The following DYNC1H1 variants were observed in gnomAD, a reference collection of about 807,000 sequenced individuals.
DYNC1H1 encodes the protein dynein cytoplasmic 1 heavy chain 1.
In DYNC1H1, 51 loss-of-function variants were observed where a neutral mutation model predicts 527.1. The observed-to-expected ratio is 0.10, with a 90% CI of 0.08 to 0.12. The LOEUF is 0.12. Among genes scored for constraint, DYNC1H1 ranks in the 10% least tolerant of loss-of-function variants. The pLI is 1.00. For synonymous variants in DYNC1H1, 2,189 were observed against 2,278.8 expected (o/e 0.96, Z 1.12); for missense variants, 2,771 against 5,971.8 (o/e 0.46, Z 17.66).
At position 102,052,103 on chromosome 14, in the gene DYNC1H1, T is replaced by C. The variant is rs898810590; in HGVS notation, c.*1540T>C. ...TCAGCCTCTCAAAGTGCCGGGGTTC[T>C]AGGTGTGAGTCACCGAGTTGAGCCC... On this transcript the variant is annotated 3_prime_UTR_variant, in exon 78 of 78. Coordinates refer to ENST00000360184, the MANE Select transcript of DYNC1H1 (RefSeq NM_001376.5). 2.6e-5 allele frequency: 4 copies of C among 152,088 alleles called. No homozygotes were observed. The highest frequency in any genetic ancestry group is 9.7e-5 in the African/African-American group (4 of 41,396). 9.4% of individuals were successfully genotyped at this position (152,088 alleles called of 1,614,324 possible). A position where few individuals can be genotyped will look rare whatever the true frequency, so the allele number is the denominator to read the frequency against.
At position 102,049,516 on chromosome 14, in the gene DYNC1H1, C is replaced by T. The variant is rs112444677; in HGVS notation, c.13449C>T (p.Ser4483=). ...MTVIQWVSDF[S]ERIKQLQNIS... is the part of the protein sequence containing the mutation. The stretch of plus-strand genomic sequence containing the variant: ...TCATCCAGTGGGTGTCCGACTTCAG[C>T]GAGAGGATCAAACAGCTGCAGAACA... The change falls in exon 75 of 78, where the codon AGC becomes AGT. Residue 4483 remains serine (S), a synonymous_variant. Coordinates refer to ENST00000360184, the MANE Select transcript of DYNC1H1 (RefSeq NM_001376.5). This position sits in a 1 kb window ranked among gnomAD's most constrained non-coding sequence, Gnocchi z 5.5. 1.1e-5 allele frequency: 18 copies of T among 1,614,016 alleles called. 1 individual carries two copies. The highest frequency in any genetic ancestry group is 6.7e-5 in the African/African-American group (5 of 74,938).
At chr14:102,032,848 G>T (rs929600928) in intron 52 of DYNC1H1, 2 of 599,990 alleles carry the variant, frequency 3.3e-6, no homozygotes, top group Non-Finnish European at 5.8e-6. Context: ...GAAAAACCCT[G>T]TCTCATTAAA....
At chr14:101,974,964 A>G (rs1053723390) in intron 1 of DYNC1H1, among the ~76,000 whole-genome samples, 2 of 152,196 alleles carry the variant, frequency 1.3e-5, no homozygotes, top group Non-Finnish European at 2.9e-5. Context: ...AGACTCAGAT[A>G]AGTGGTGTGG....
chr14:102,055,969 T>C lies in DYNC1H1; in HGVS notation c.*5406T>C, dbSNP rs536036807. 44 of 152,298 alleles carry C rather than the reference T, an allele frequency of 2.9e-4. No homozygotes were observed. Among genetic ancestry groups the C allele is most frequent in the African/African-American group, 8.9e-4 (37 of 41,556 alleles). The allele number at this position is 152,298 out of a possible 1,614,324, so 9.4% of individuals were successfully genotyped here. On this transcript the variant is annotated 3_prime_UTR_variant, in exon 78 of 78. Transcript: ENST00000360184. Reference sequence around the variant, plus strand: ...GGTCTCAGTTAATTTAGAAAAGATATTTGTCAAGGTTGAGGACGCGCACCC... The same window carrying C: ...GGTCTCAGTTAATTTAGAAAAGATACTTGTCAAGGTTGAGGACGCGCACCC...
chr14:102,036,286 CA>C lies in DYNC1H1; in HGVS notation c.10755-201del. The C allele has an allele frequency of 1.7e-6, 1 of 599,500 alleles. No individual in the cohort carries two copies. Among genetic ancestry groups the C allele is most frequent in the East Asian group, 3.0e-5 (1 of 33,678 alleles). The allele number at this position is 599,500 out of a possible 1,614,324, so 37.1% of individuals were successfully genotyped here. A position where few individuals can be genotyped will look rare whatever the true frequency, so the allele number is the denominator to read the frequency against. ...TATGACTCAAGCTACCTCCTCATGC[CA>C]ATAGTTGTTCAAAAGGATGAGGTGA... On this transcript the variant is annotated intron_variant, in intron 56 of 77. Transcript: ENST00000360184. This position sits in a 1 kb window ranked among gnomAD's most constrained non-coding sequence, Gnocchi z 5.6.
Position 102,005,311 on chromosome 14 carries a change from T to A in DYNC1H1, c.5433+75T>A. The A allele has an allele frequency of 1.3e-6, 2 of 1,592,476 alleles. No individual in the cohort carries two copies. Among genetic ancestry groups the A allele is most frequent in the Non-Finnish European group, 1.7e-6 (2 of 1,163,446 alleles). ...CAACCACACAGTTAAATGGAAATCA[T>A]GCTTGAAAAAGGTTTCAGGTAGTAT... is the stretch of plus-strand genomic sequence containing the variant. On this transcript the variant is annotated intron_variant, in intron 26 of 77. Transcript: ENST00000360184. This position sits in a 1 kb window ranked among gnomAD's most constrained non-coding sequence, Gnocchi z 4.0.
At chr14:101,994,391 A>G in intron 12 of DYNC1H1, 67 bp downstream of exon 12, 1 of 1,608,966 alleles carries the variant, frequency 6.2e-7, no homozygotes, top group East Asian at 2.2e-5. Flanking sequence ...AGTACAAGAT[A>G]TAAAGAACAT....
In DYNC1H1 at chr14:101,991,956, T is replaced by C. The variant is rs2720206; in HGVS notation, c.3015+283T>C. Among the ~76,000 whole-genome samples, 5,155 of 134,900 alleles carry C rather than the reference T, an allele frequency of 0.038. 240 individuals are homozygous for C. Among genetic ancestry groups the C allele is most frequent in the African/African-American group, 0.11 (4,204 of 37,280 alleles). The allele number at this position is 134,900 out of a possible 152,430, so 88.5% of individuals were successfully genotyped here. On this transcript the variant is annotated intron_variant, in intron 11 of 77. Coordinates refer to ENST00000360184, the MANE Select transcript of DYNC1H1 (RefSeq NM_001376.5). ...TCCCTCTCCTCCCCACCCCCCACTT[T>C]TTATTAGGGGAATTTTAAAACATAC...
In DYNC1H1 at chr14:102,042,367, TC is replaced by T. The variant is rs1567022621; in HGVS notation, c.12276-16del. ...GGCAGCCTGGCATGCTGTGTGACTCTCACTTTGTGTGTGCAGGTGGGTGATG... is the reference window on the plus strand; with the variant it reads ...GGCAGCCTGGCATGCTGTGTGACTCTACTTTGTGTGTGCAGGTGGGTGATG... On this transcript the variant is annotated splice_polypyrimidine_tract_variant and intron_variant, in intron 67 of 77. Transcript: ENST00000360184. This position sits in a 1 kb window ranked among gnomAD's most constrained non-coding sequence, Gnocchi z 5.7. The T allele has an allele frequency of 2.5e-6, 4 of 1,614,202 alleles. No homozygotes were observed. The highest frequency in any genetic ancestry group is 3.4e-6 in the Non-Finnish European group (4 of 1,180,040).
intron 8 of DYNC1H1, 40 bp from the exon 9 acceptor site, chr14:101,987,413 G>A (rs762714249): frequency 6.3e-7 from 1 of 1,576,804 alleles, no homozygotes; most frequent in South Asian, 1.1e-5. Context: ...GGAACAGAGT[G>A]TGAGTGGGTG....
At chr14:102,028,192 C>A (rs2048471685) in intron 48 of DYNC1H1, 51 bp downstream of exon 48, 1 of 1,599,996 alleles carries the variant, frequency 6.3e-7, no homozygotes, top group African/African-American at 1.3e-5. Context: ...AACCATCATG[C>A]TAATATAAAA....
intron 72 of DYNC1H1, chr14:102,045,224 A>C: frequency 5.4e-6 from 1 of 185,908 alleles, no homozygotes; most frequent in South Asian, 1.1e-4. Context: ...AATTATTTGA[A>C]CCCGGGAGAT....
rs1317184892 is a variant in DYNC1H1 at position 102,010,048 on chromosome 14, T to C, written c.6183T>C (p.Thr2061=). 6.2e-7 allele frequency: 1 copy of C among 1,613,970 alleles called. No homozygotes were observed. Among genetic ancestry groups the C allele is most frequent in the Non-Finnish European group, 8.5e-7 (1 of 1,180,042 alleles). ...TGCTGTACTCACAGGGTTTCCGCAC[T>C]GCTGAAGTGCTTGCCAACAAAATCG... ...QVMLYSQGFR[T]AEVLANKIVP... is the part of the protein sequence containing the mutation. Residue 2061 remains threonine, a synonymous_variant, in exon 30 of 78, where the codon ACT becomes ACC. Coordinates refer to ENST00000360184, the MANE Select transcript of DYNC1H1 (RefSeq NM_001376.5). The surrounding 1 kb of genome is among the most constrained non-coding windows in gnomAD (Gnocchi z 6.0).
Position 102,041,691 on chromosome 14 carries a change from T to G in DYNC1H1, c.12059T>G (p.Ile4020Ser). 6.2e-7 allele frequency: 1 copy of G among 1,614,164 alleles called. No homozygotes were observed. The highest frequency in any genetic ancestry group is 8.5e-7 in the Non-Finnish European group (1 of 1,180,024). ...STNLGESFMS[I>S]MEQPLDLTHI... ...AACCTTGGGGAGTCTTTCATGTCCA[T>G]CATGGAGCAGCCGCTCGACCTGACC... The change falls in exon 65 of 78, where the codon ATC (isoleucine) becomes AGC (serine). Residue 4020 changes from isoleucine (I) to serine (S), a missense_variant. Ile to Ser is a moderately radical substitution (Grantham distance 142). This residue lies in a region of DYNC1H1 where 195 missense variants were observed against 428.6 expected (regional missense o/e 0.45). Coordinates refer to ENST00000360184, the MANE Select transcript of DYNC1H1 (RefSeq NM_001376.5). This position sits in a 1 kb window ranked among gnomAD's most constrained non-coding sequence, Gnocchi z 4.5.
At position 102,049,462 on chromosome 14, in the gene DYNC1H1, C is replaced by T; in HGVS notation, c.13395C>T (p.Ser4465=). ...CAGGGATCTTGCCTCGGAGCTGGTC[C>T]CACTACACGGTGCCTGCCGGCATGA... The part of the protein sequence containing the change: ...LVKGILPRSW[S]HYTVPAGMTV... Residue 4465 remains serine, a synonymous_variant, in exon 75 of 78, where the codon TCC becomes TCT. Coordinates refer to ENST00000360184, the MANE Select transcript of DYNC1H1 (RefSeq NM_001376.5). This position sits in a 1 kb window ranked among gnomAD's most constrained non-coding sequence, Gnocchi z 5.5. The T allele has an allele frequency of 1.2e-6, 2 of 1,614,182 alleles. No individual in the cohort carries two copies. Among genetic ancestry groups the T allele is most frequent in the East Asian group, 2.2e-5 (1 of 44,882 alleles).
rs1177437823 is a variant in DYNC1H1, at chr14:102,033,797, G to A, written c.10414-179G>A. The A allele has an allele frequency of 6.8e-6, 5 of 733,660 alleles. No homozygotes were observed. Among genetic ancestry groups the A allele is most frequent in the Non-Finnish European group, 1.1e-5 (5 of 437,096 alleles). The allele number at this position is 733,660 out of a possible 1,614,324, so 45.4% of individuals were successfully genotyped here. A position where few individuals can be genotyped will look rare whatever the true frequency, so the allele number is the denominator to read the frequency against. The stretch of plus-strand genomic sequence containing the variant: ...TTCTGCCCCGCTGAGATTCTGAGTC[G>A]TGTGTGGTCATTAGTTATATATGAT... On this transcript the variant is annotated intron_variant, in intron 54 of 77. Coordinates refer to ENST00000360184, the MANE Select transcript of DYNC1H1 (RefSeq NM_001376.5). The surrounding 1 kb of genome is among the most constrained non-coding windows in gnomAD (Gnocchi z 5.6).
rs753109533 is a variant in DYNC1H1 at position 102,017,117 on chromosome 14, T to C, written c.7878T>C (p.Thr2626=). 4 of 1,614,272 alleles carry C rather than the reference T, an allele frequency of 2.5e-6. No homozygotes were observed. The East Asian group carries it at 8.9e-5, about 36-fold the overall frequency. ...EVVGLNFSSA[T]TPELLLKTFD... ...TGGGTCTCAACTTCTCCAGTGCTAC[T>C]ACTCCAGAGCTGCTTCTGAAGACTT... Residue 2626 remains threonine, a synonymous_variant, in exon 39 of 78, where the codon ACT becomes ACC. Coordinates refer to ENST00000360184, the MANE Select transcript of DYNC1H1 (RefSeq NM_001376.5). This position sits in a 1 kb window ranked among gnomAD's most constrained non-coding sequence, Gnocchi z 4.6.
chr14:102,021,636 C>A (rs1429474208), intron 42 of DYNC1H1, among the ~76,000 whole-genome samples: 1 of 142,998 alleles, frequency 7.0e-6, no homozygotes, highest in Non-Finnish European at 1.5e-5. Flanking sequence ...CATCACAGTT[C>A]CCATTTCTTT....
rs2048531389 is a variant in DYNC1H1, at chr14:102,033,284, A to G, written c.10213A>G (p.Met3405Val). 2 of 1,614,192 alleles carry G rather than the reference A, an allele frequency of 1.2e-6. No individual in the cohort carries two copies. The highest frequency in any genetic ancestry group is 1.1e-5 in the South Asian group (1 of 91,082). The stretch of plus-strand genomic sequence containing the variant: ...TTCTTCCCAGCTTAACTATGCAGAC[A>G]TGTTAAAGAGAGTGGAGCCCCTACG... ...WAIAQLNYAD[M>V]LKRVEPLRNE... is the part of the protein sequence containing the mutation. Residue 3405 changes from methionine to valine, a missense_variant, in exon 54 of 78, where the codon ATG becomes GTG. By Grantham distance (21) the Met-to-Val change is conservative. Coordinates refer to ENST00000360184, the MANE Select transcript of DYNC1H1 (RefSeq NM_001376.5). The surrounding 1 kb of genome is among the most constrained non-coding windows in gnomAD (Gnocchi z 5.6).
Sources: gnomAD v4.1 joint callset for allele counts (sites outside exome capture counted in the v4.1 genomes callset) on GRCh38, gnomAD v4.1.1 for gene constraint, gnomAD v4.1.1 regional missense constraint, Gnocchi (gnomAD v3.1) non-coding constraint, MANE v1.5 for transcripts, NCBI Gene and HGNC (gene_info 2026-07-23, HGNC 2026-07-21) for gene names.